Variants in FCMR observed in about 807,000 individuals in gnomAD.
FCMR encodes the protein Fc mu receptor.
FCMR carries 34 observed loss-of-function variants against 41.6 expected under a neutral mutation model. The observed-to-expected ratio is 0.82, with a 90% confidence interval of 0.62 to 1.09. FCMR has a LOEUF of 1.09. Ranked by LOEUF, FCMR falls within the 50% of genes least tolerant of loss-of-function variation. The pLI, the probability that FCMR is intolerant of heterozygous loss-of-function variation, is 0.00. For missense variants in FCMR, 496 were observed against 512.5 expected (o/e 0.97, Z 0.31); for synonymous variants, 209 against 211.8 (o/e 0.99, Z 0.12).
At position 206,904,541 on chromosome 1, in the gene FCMR, C is replaced by T. The variant is rs1678536132; in HGVS notation, c.*478G>A. 6.1e-6 allele frequency: 1 copy of T among 164,836 alleles called. No individual in the cohort carries two copies. The highest frequency in any genetic ancestry group is 1.3e-5 in the Non-Finnish European group (1 of 74,488). 10.2% of individuals were successfully genotyped at this position (164,836 alleles called of 1,614,324 possible). A position where few individuals can be genotyped will look rare whatever the true frequency, so the allele number is the denominator to read the frequency against. On this transcript the variant is annotated 3_prime_UTR_variant, in exon 8 of 8. Coordinates refer to ENST00000367091, the MANE Select transcript of FCMR (RefSeq NM_005449.5). ...TCCAGGAGTGTTTTTATACCAGACC[C>T]CTGCTTAGTCCATGGGGCTGAGGCA...
At chr1:206,913,139 G>A (rs1257860778) in intron 2 of FCMR, 97 bp from the exon 3 acceptor site, 4 of 902,030 alleles carry the variant, frequency 4.4e-6, no homozygotes, top group Non-Finnish European at 7.4e-6. Flanking sequence ...ATGACAGTGA[G>A]GGGATGAGGG....
At chr1:206,918,176 C>T (rs1412928804) in intron 1 of FCMR, among the ~76,000 whole-genome samples, 1 of 152,200 alleles carries the variant, frequency 6.6e-6, no homozygotes, top group Non-Finnish European at 1.5e-5. Flanking sequence ...CTCATCCTCT[C>T]AGCAGCGGTT....
rs904399542 is a variant in FCMR at position 206,909,825 on chromosome 1, G to A, written c.885C>T (p.Ala295=). ...CGCGGGGCCTCTGGGAGCTCTCCAG[G>A]GCGCGCATCCTCACGGCCAGTCGGC... ...RARRLAVRMR[A]LESSQRPRGS... is the part of the protein sequence containing the mutation. Residue 295 remains alanine (A), a synonymous_variant, in exon 6 of 8, where the codon GCC becomes GCT. Transcript: ENST00000367091. This position sits in a 1 kb window ranked among gnomAD's most constrained non-coding sequence, Gnocchi z 5.0. The A allele has an allele frequency of 1.4e-6, 2 of 1,407,534 alleles. No individual in the cohort carries two copies. Among genetic ancestry groups the A allele is most frequent in the African/African-American group, 3.0e-5 (2 of 65,600 alleles). 87.2% of individuals were successfully genotyped at this position (1,407,534 alleles called of 1,614,324 possible).
At chr1:206,911,694 T>C (rs769652153) in intron 4 of FCMR, 36 bp downstream of exon 4, 2 of 1,585,578 alleles carry the variant, frequency 1.3e-6, no homozygotes, top group East Asian at 4.5e-5. Context: ...CTCTTAATTC[T>C]AGCCTAACTC....
intron 4 of FCMR, among the ~76,000 whole-genome samples, chr1:206,911,238 G>GT (rs34410700): frequency 0.45 from 66,121 of 145,934 alleles, 14,970 homozygotes; most frequent in Middle Eastern, 0.53. Flanking sequence ...TTATTATAGG[G>GT]TTTTTTTTTT....
chr1:206,920,709 T>C (rs1679402602), intron 1 of FCMR, among the ~76,000 whole-genome samples: 1 of 152,148 alleles, frequency 6.6e-6, no homozygotes, highest in South Asian at 2.1e-4. Flanking sequence ...TGATTAGAAG[T>C]CAAGTTTAAG....
chr1:206,923,097 C>G (rs1236188205), upstream of FCMR: 1 of 152,384 alleles, frequency 6.6e-6, no homozygotes, highest in East Asian at 1.9e-4. Flanking sequence ...GGGCCCCAAC[C>G]CCAGGTGAAA....
intron 1 of FCMR, among the ~76,000 whole-genome samples, chr1:206,918,506 T>C (rs1324414642): frequency 6.6e-6 from 1 of 152,158 alleles, no homozygotes; most frequent in African/African-American, 2.4e-5. Flanking sequence ...GTGTAAGATA[T>C]ATGCCAAACT....
At chr1:206,914,169 C>T in intron 1 of FCMR, 75 bp from the exon 2 acceptor site, 3 of 1,189,678 alleles carry the variant, frequency 2.5e-6, no homozygotes, top group Non-Finnish European at 2.4e-6. Flanking sequence ...TTCCCAGCTC[C>T]AGCCGTCTCT....
chr1:206,917,871 G>A, intron 1 of FCMR: 1 of 451,378 alleles, frequency 2.2e-6, no homozygotes, highest in South Asian at 1.6e-5. Context: ...ACCCACCTCA[G>A]CCTCCCAAAG....
chr1:206,915,990 G>T (rs1679176285), intron 1 of FCMR, among the ~76,000 whole-genome samples: 1 of 151,522 alleles, frequency 6.6e-6, no homozygotes, highest in African/African-American at 2.4e-5. Context: ...GGGGAAAGGG[G>T]GTTGGGGCAG....
In FCMR at chr1:206,910,204, G is replaced by T. The variant is rs772968542; in HGVS notation, c.841+6C>A. 9 of 1,594,444 alleles carry T rather than the reference G, an allele frequency of 5.6e-6. No individual in the cohort carries two copies. The East Asian group carries it at 1.8e-4, about 32-fold the overall frequency. ...CAGCTCTCCCTACCGAAGCCCAGCC[G>T]CTCACCTTTCCTCCTTTCAACGGCC... On this transcript the variant is annotated splice_donor_region_variant and intron_variant, in intron 5 of 7. Coordinates refer to ENST00000367091, the MANE Select transcript of FCMR (RefSeq NM_005449.5).
Position 206,904,645 on chromosome 1 carries a change from C to T in FCMR, c.*374G>A. 4.1e-6 allele frequency: 1 copy of T among 246,864 alleles called. No homozygotes were observed. Among genetic ancestry groups the T allele is most frequent in the Non-Finnish European group, 8.1e-6 (1 of 123,792 alleles). The allele number at this position is 246,864 out of a possible 1,614,324, so 15.3% of individuals were successfully genotyped here. ...AAGGATGCCCGAGACAATAGCTATG[C>T]CTCTGCCCCAGCCTGATGCCATGTG... On this transcript the variant is annotated 3_prime_UTR_variant, in exon 8 of 8. Coordinates refer to ENST00000367091, the MANE Select transcript of FCMR (RefSeq NM_005449.5).
intron 7 of FCMR, among the ~76,000 whole-genome samples, chr1:206,906,554 T>C (rs1433945415): frequency 3.9e-5 from 6 of 152,260 alleles, no homozygotes; most frequent in Non-Finnish European, 5.9e-5. Flanking sequence ...AATTTGTCTT[T>C]CACTGCCTGT....
At position 206,913,762 on chromosome 1, in the gene FCMR, T is replaced by C; in HGVS notation, c.370A>G (p.Ser124Gly). 1 of 1,613,698 alleles carries C rather than the reference T, an allele frequency of 6.2e-7. No individual in the cohort carries two copies. The highest frequency in any genetic ancestry group is 1.1e-5 in the South Asian group (1 of 91,084). The change falls in exon 2 of 8, where the codon AGT becomes GGT. Residue 124 changes from serine (S) to glycine (G), a missense_variant. Ser to Gly is a moderately conservative substitution (Grantham distance 56). Coordinates refer to ENST00000367091, the MANE Select transcript of FCMR (RefSeq NM_005449.5). The part of the protein sequence containing the change: ...KTQKVTLNVH[S>G]EYEPSWEEQP... ...TCCAATCAGCGGAGGAACCTACCAC[T>C]GTGGACATTCAGGGTGACTTTCTGG...
intron 7 of FCMR, chr1:206,907,841 G>C: frequency 7.1e-7 from 1 of 1,403,516 alleles, no homozygotes; most frequent in Non-Finnish European, 1.0e-6. Context: ...CCACTTCCCG[G>C]CCCCCAGCCG....
At chr1:206,919,731 G>T (rs902216351) in intron 1 of FCMR, among the ~76,000 whole-genome samples, 1 of 152,104 alleles carries the variant, frequency 6.6e-6, no homozygotes, top group Non-Finnish European at 1.5e-5. Context: ...CTAGAATGAG[G>T]GTACTTCTCA....
chr1:206,905,241 A>G, intron 7 of FCMR, 94 bp from the exon 8 acceptor site: 1 of 1,411,388 alleles, frequency 7.1e-7, no homozygotes. Context: ...GGGCATGGAC[A>G]TGGCTGCTGA....
At chr1:206,907,680 C>T in intron 7 of FCMR, 2 of 812,866 alleles carry the variant, frequency 2.5e-6, no homozygotes, top group East Asian at 2.5e-5. Flanking sequence ...CCCCTGGCGG[C>T]CATCGTGGCT....
Sources: allele counts gnomAD v4.1 joint callset (sites outside exome capture counted in the v4.1 genomes callset), GRCh38; gene constraint gnomAD v4.1.1; non-coding constraint Gnocchi (gnomAD v3.1); transcripts MANE v1.5; gene names NCBI Gene and HGNC (gene_info 2026-07-23, HGNC 2026-07-21).